NUP54: variants seen among roughly 807,000 people sequenced by gnomAD.
NUP54 encodes nucleoporin 54, also known as nucleoporin p54.
NUP54 carries 27 observed loss-of-function variants against 66.4 expected under a neutral mutation model. The ratio of observed to expected loss-of-function variants is 0.41; its 90% CI spans 0.30 to 0.56. The LOEUF is 0.56. Among genes scored for constraint, NUP54 ranks in the 20% least tolerant of loss-of-function variants. The probability of loss-of-function intolerance (pLI) is 0.34; values close to 1 mark genes in which losing one functional copy is unlikely to be tolerated. For synonymous variants in NUP54, 206 were observed against 210.7 expected, an observed-to-expected ratio of 0.98 and a Z score of 0.19; for missense variants, 486 against 596.3, an observed-to-expected ratio of 0.82 and a Z score of 1.93.
At chr4:76,117,598 G>T in intron 11 of NUP54, 66 bp downstream of exon 11, 1 of 914,818 alleles carries the variant, frequency 1.1e-6, no homozygotes, top group Non-Finnish European at 1.8e-6. Context: ...TAGGATAATA[G>T]CCATCCTAAT....
chr4:76,148,276 T>C (rs943850085), intron 1 of NUP54, 32 bp downstream of exon 1: 4 of 1,339,162 alleles, frequency 3.0e-6, no homozygotes, highest in Non-Finnish European at 3.9e-6. Context: ...CTTCCCCTTC[T>C]TCCCGGGTGA....
At chr4:76,147,508 A>G (rs1478259363) in intron 1 of NUP54, 2 of 1,289,734 alleles carry the variant, frequency 1.6e-6, no homozygotes, top group Admixed American at 4.6e-5. Context: ...ACCAAAATTG[A>G]ACGGAGTCGC....
chr4:76,132,740 T>G (rs747110032), intron 5 of NUP54, 21 bp from the exon 6 acceptor site: 2 of 1,578,540 alleles, frequency 1.3e-6, no homozygotes, highest in Non-Finnish European at 1.7e-6. Flanking sequence ...AATAACCAAT[T>G]TATAAAATAT....
intron 4 of NUP54, 129 bp from the exon 5 acceptor site, chr4:76,134,491 A>C: frequency 1.3e-6 from 1 of 769,684 alleles, no homozygotes; most frequent in Non-Finnish European, 2.0e-6. Flanking sequence ...GGGAATAATG[A>C]TTCTTCCCAC....
chr4:76,125,315 A>ATCACACACAC (rs907189510), intron 8 of NUP54, among the ~76,000 whole-genome samples: 3 of 92,030 alleles, frequency 3.3e-5, no homozygotes, highest in African/African-American at 1.8e-4. Context: ...GTGAGACTCC[A>ATCACACACAC]TCACACACAC....
intron 3 of NUP54, among the ~76,000 whole-genome samples, chr4:76,143,157 A>C (rs1027961236): frequency 2.2e-4 from 33 of 152,298 alleles, no homozygotes; most frequent in African/African-American, 7.9e-4. Context: ...CAAAACAACA[A>C]AATATATATA....
intron 9 of NUP54, among the ~76,000 whole-genome samples, chr4:76,122,669 T>C (rs1192975155): frequency 2.6e-5 from 4 of 152,186 alleles, no homozygotes. Context: ...AAGTTAAACA[T>C]AGTGTGCATA....
Position 76,115,339 on chromosome 4 carries a change from CAAACCT to C in NUP54, c.*21_*26del. 3 of 1,547,772 alleles carry C rather than the reference CAAACCT, an allele frequency of 1.9e-6. No individual in the cohort carries two copies. Among genetic ancestry groups the C allele is most frequent in the Non-Finnish European group, 2.6e-6 (3 of 1,153,092 alleles). On this transcript the variant is annotated 3_prime_UTR_variant, in exon 12 of 12. Coordinates refer to ENST00000264883, the MANE Select transcript of NUP54 (RefSeq NM_017426.4). ...TGATGCAGTAAGAAGATGCATTTCA[CAAACCT>C]TTACACAAGTTTGTGAACTGTCAAC...
At chr4:76,125,799 G>GACCTATCTCAAAA (rs1730501065) in intron 8 of NUP54, among the ~76,000 whole-genome samples, 1 of 58,466 alleles carries the variant, frequency 1.7e-5, no homozygotes, top group African/African-American at 7.6e-5. Context: ...GAGAGGGAGA[G>GACCTATCTCAAAA]GGAGAGAGAG....
chr4:76,143,772 G>C (rs935936416), intron 3 of NUP54, among the ~76,000 whole-genome samples: 5 of 152,138 alleles, frequency 3.3e-5, no homozygotes, highest in African/African-American at 1.2e-4. Context: ...CAATTGGTAG[G>C]GAAATGTGGT....
At chr4:76,129,877 A>C (rs1392940704) in intron 8 of NUP54, among the ~76,000 whole-genome samples, 1 of 145,032 alleles carries the variant, frequency 6.9e-6, no homozygotes, top group Non-Finnish European at 1.5e-5. Flanking sequence ...AAAAAAAAAA[A>C]AAAAAAAAAA....
At chr4:76,140,399 T>C (rs1731219251) in intron 3 of NUP54, among the ~76,000 whole-genome samples, 1 of 150,958 alleles carries the variant, frequency 6.6e-6, no homozygotes, top group Admixed American at 6.6e-5. Context: ...AATTCTCATG[T>C]CTCAGCCTCC....
At chr4:76,119,418 T>C (rs1730127246) in intron 9 of NUP54, among the ~76,000 whole-genome samples, 1 of 152,176 alleles carries the variant, frequency 6.6e-6, no homozygotes, top group South Asian at 2.1e-4. Flanking sequence ...CCTTGCTTTC[T>C]TGCCCAGGCT....
intron 5 of NUP54, among the ~76,000 whole-genome samples, chr4:76,133,484 T>G (rs1242525187): frequency 6.6e-6 from 1 of 151,990 alleles, no homozygotes; most frequent in Non-Finnish European, 1.5e-5. Context: ...TTTTTTTGTA[T>G]TTTTAGTAGA....
chr4:76,128,997 AT>A (rs1423548542), intron 8 of NUP54, among the ~76,000 whole-genome samples: 1 of 152,212 alleles, frequency 6.6e-6, no homozygotes, highest in Non-Finnish European at 1.5e-5. Context: ...GGATAGGAGG[AT>A]TAAGTTCCAG....
At chr4:76,145,221 G>A (rs1023050778) in intron 1 of NUP54, among the ~76,000 whole-genome samples, 3 of 151,448 alleles carry the variant, frequency 2.0e-5, no homozygotes, top group African/African-American at 4.9e-5. Flanking sequence ...AGGAGGCTGA[G>A]GCAGGAGAAT....
At chr4:76,117,370 T>C (rs1729993778) in intron 11 of NUP54, among the ~76,000 whole-genome samples, 1 of 152,196 alleles carries the variant, frequency 6.6e-6, no homozygotes, top group Non-Finnish European at 1.5e-5. Context: ...TGAATAAAGA[T>C]GCTATGAACA....
At chr4:76,120,575 C>A (rs993796527) in intron 9 of NUP54, among the ~76,000 whole-genome samples, 15 of 152,078 alleles carry the variant, frequency 9.9e-5, no homozygotes, top group African/African-American at 3.4e-4. Flanking sequence ...ATTACAGGCA[C>A]CTGCCACCAT....
At chr4:76,137,235 C>T (rs144590855) in intron 3 of NUP54, among the ~76,000 whole-genome samples, 65 of 152,152 alleles carry the variant, frequency 4.3e-4, no homozygotes, top group African/African-American at 1.5e-3. Flanking sequence ...TGAGCTCAAG[C>T]GACTCTCCTG....
Sources: gnomAD v4.1 joint callset for allele counts (sites outside exome capture counted in the v4.1 genomes callset) on GRCh38, gnomAD v4.1.1 for gene constraint, MANE v1.5 for transcripts, NCBI Gene and HGNC (gene_info 2026-07-23, HGNC 2026-07-21) for gene names.